The following HYDIN variants were observed in gnomAD, a reference collection of about 807,000 sequenced individuals.
The protein encoded by HYDIN is HYDIN axonemal central pair apparatus protein.
A neutral mutation model predicts 403.9 loss-of-function variants in HYDIN; 132 were observed. The observed-to-expected ratio is 0.33, with a 90% CI of 0.28 to 0.38. The LOEUF is 0.38. Among genes scored for constraint, HYDIN ranks in the 10% least tolerant of loss-of-function variants. The pLI, the probability that HYDIN is intolerant of heterozygous loss-of-function variation, is 1.00. For missense variants in HYDIN, 2,827 were observed against 5,009.5 expected (o/e 0.56, Z 13.15); for synonymous variants, 1,202 against 1,891.7 (o/e 0.64, Z 9.46).
Position 71,133,505 on chromosome 16 carries a change from C to A in HYDIN, c.1043+3646G>T, listed in dbSNP as rs575818133. ...CAAAGCCCAATTAAAACTGATTTAT[C>A]TAAGGAAACATGTCATTTCCTCCAT... is the stretch of plus-strand genomic sequence containing the variant. On this transcript the variant is annotated intron_variant, in intron 8 of 85. Transcript: ENST00000393567. 4.5e-4 allele frequency among the ~76,000 whole-genome samples: 69 copies of A among 152,308 alleles called. No individual in the cohort carries two copies. The East Asian group carries it at 6.0e-3, about 13-fold the overall frequency.
At position 70,837,900 on chromosome 16, in the gene HYDIN, C is replaced by A; in HGVS notation, c.13044-12G>T. 6.2e-7 allele frequency: 1 copy of A among 1,610,122 alleles called. No homozygotes were observed. The highest frequency in any genetic ancestry group is 2.2e-5 in the East Asian group (1 of 44,716). On this transcript the variant is annotated splice_polypyrimidine_tract_variant and intron_variant, in intron 76 of 85. Coordinates refer to ENST00000393567, the MANE Select transcript of HYDIN (RefSeq NM_001270974.2). ...ACAGACAATCTATGCTGCAGAAAAT[C>A]AAGAGGAAGAGGCGTAAGCTCCAAG...
intron 10 of HYDIN, chr16:71,113,931 C>A (rs956839571): frequency 6.6e-6 from 1 of 151,406 alleles, no homozygotes; most frequent in African/African-American, 2.4e-5. Flanking sequence ...ACAGGCTGGT[C>A]ATTTTATTTT....
chr16:70,848,406 A>AT (rs201505826), intron 75 of HYDIN, among the ~76,000 whole-genome samples: 2,960 of 152,000 alleles, frequency 0.019, 48 homozygotes, highest in Middle Eastern at 0.088. Flanking sequence ...CATGGCTCAT[A>AT]TTTTTTTAGT....
intron 24 of HYDIN, 71 bp downstream of exon 24, chr16:70,991,999 T>C (rs1340253826): frequency 3.1e-6 from 5 of 1,604,874 alleles, no homozygotes; most frequent in East Asian, 4.5e-5. Context: ...GAGGGATGAG[T>C]ATTGAGAATG....
intron 23 of HYDIN, among the ~76,000 whole-genome samples, chr16:70,996,192 G>GGCCCTA (rs1432231868): frequency 3.3e-5 from 5 of 152,112 alleles, no homozygotes; most frequent in Admixed American, 6.6e-5. Context: ...GTTTTCTTCT[G>GGCCCTA]GCCCTATCTT....
Position 70,855,284 on chromosome 16 carries a change from G to A in HYDIN, c.12296-9C>T. On this transcript the variant is annotated splice_polypyrimidine_tract_variant and intron_variant, in intron 72 of 85. Transcript: ENST00000393567. The stretch of plus-strand genomic sequence containing the variant: ...CTCCCTGGCTTCTCTGCCTGAGGAG[G>A]AAACACCAGCCCTTAGTGGGGGCCT... The A allele has an allele frequency of 1.3e-6, 2 of 1,551,136 alleles. 1 individual carries two copies. Among genetic ancestry groups the A allele is most frequent in the South Asian group, 2.3e-5 (2 of 88,452 alleles).
chr16:70,928,298 A>G (rs144801598), intron 45 of HYDIN, among the ~76,000 whole-genome samples: 1 of 152,352 alleles, frequency 6.6e-6, no homozygotes, highest in Non-Finnish European at 1.5e-5. Flanking sequence ...CCACATTTCT[A>G]CAAAAAAATT....
intron 19 of HYDIN, among the ~76,000 whole-genome samples, chr16:71,028,695 T>C (rs1427190998): frequency 6.6e-6 from 1 of 152,008 alleles, no homozygotes; most frequent in Non-Finnish European, 1.5e-5. Flanking sequence ...CCTTAGGAAA[T>C]GACATCATGC....
At chr16:70,896,415 C>T (rs188432555) in intron 53 of HYDIN, among the ~76,000 whole-genome samples, 1 of 152,220 alleles carries the variant, frequency 6.6e-6, no homozygotes, top group Admixed American at 6.5e-5. Flanking sequence ...TGCAGTGGCG[C>T]AATCTCGGCT....
At position 70,905,325 on chromosome 16, in the gene HYDIN, A is replaced by T. The variant is rs920227874; in HGVS notation, c.8517-1261T>A. ...GCTTTCCCATTTTGCAGATGAGGAC[A>T]CTGAGGCTCAGCACGGTTTAAAATA... On this transcript the variant is annotated intron_variant, in intron 50 of 85. Coordinates refer to ENST00000393567, the MANE Select transcript of HYDIN (RefSeq NM_001270974.2). 6.4e-4 allele frequency among the ~76,000 whole-genome samples: 97 copies of T among 152,064 alleles called. 1 individual carries two copies. The highest frequency in any genetic ancestry group is 1.9e-4 in the Non-Finnish European group (13 of 67,962).
At chr16:70,945,427 G>C (rs897310360) in intron 41 of HYDIN, among the ~76,000 whole-genome samples, 1 of 152,188 alleles carries the variant, frequency 6.6e-6, no homozygotes, top group African/African-American at 2.4e-5. Flanking sequence ...TAAGCCCTTC[G>C]AGAGAGATTG....
chr16:71,203,154 T>C (rs965059131), intron 1 of HYDIN, among the ~76,000 whole-genome samples: 1 of 152,158 alleles, frequency 6.6e-6, no homozygotes, highest in South Asian at 2.1e-4. Flanking sequence ...GATAGATGCA[T>C]AGATGGATGG....
At chr16:70,932,009 CAAAAAA>C (rs57391181) in intron 45 of HYDIN, among the ~76,000 whole-genome samples, 12 of 29,068 alleles carry the variant, frequency 4.1e-4, no homozygotes, top group African/African-American at 1.6e-3. Context: ...AGACTTGTAT[CAAAAAA>C]AAAAAAAAAA....
intron 5 of HYDIN, among the ~76,000 whole-genome samples, chr16:71,164,052 T>C (rs972819021): frequency 1.4e-5 from 2 of 147,604 alleles, no homozygotes; most frequent in Non-Finnish European, 3.0e-5. Context: ...AGAAATAGCA[T>C]ATTTGCCTGC....
intron 59 of HYDIN, among the ~76,000 whole-genome samples, chr16:70,883,598 AT>A (rs1449427739): frequency 8.6e-5 from 13 of 151,434 alleles, no homozygotes; most frequent in African/African-American, 3.2e-4. Flanking sequence ...TTATTTATGT[AT>A]TTGTTTTTTT....
At chr16:70,917,430 G>C (rs1313713435) in intron 47 of HYDIN, among the ~76,000 whole-genome samples, 38 of 152,002 alleles carry the variant, frequency 2.5e-4, no homozygotes, top group African/African-American at 8.7e-4. Context: ...GTGAAGTTAC[G>C]AGCTCTCTTT....
In HYDIN at chr16:70,900,997, G is replaced by T. The variant is rs767853467; in HGVS notation, c.9048+7C>A. The T allele has an allele frequency of 8.6e-6, 5 of 578,700 alleles. No homozygotes were observed. The highest frequency in any genetic ancestry group is 2.2e-5 in the African/African-American group (1 of 44,596). 35.8% of individuals were successfully genotyped at this position (578,700 alleles called of 1,614,324 possible). On this transcript the variant is annotated splice_region_variant and intron_variant, in intron 53 of 85. Coordinates refer to ENST00000393567, the MANE Select transcript of HYDIN (RefSeq NM_001270974.2). ...ATAACCAAGTCTGTGGATGTGTGAAGCCTCACCTCCAACCGAATAGCCTTC... is the reference window on the plus strand; with the variant it reads ...ATAACCAAGTCTGTGGATGTGTGAATCCTCACCTCCAACCGAATAGCCTTC...
At chr16:71,024,392 A>T (rs914906550) in intron 21 of HYDIN, among the ~76,000 whole-genome samples, 156 of 152,140 alleles carry the variant, frequency 1.0e-3, no homozygotes, top group Non-Finnish European at 1.2e-3. Context: ...AACTTGAGGC[A>T]CTTGCTCAAG....
chr16:71,032,286 T>A (rs2080941081), intron 18 of HYDIN, among the ~76,000 whole-genome samples: 1 of 148,934 alleles, frequency 6.7e-6, no homozygotes, highest in Non-Finnish European at 1.5e-5. Flanking sequence ...TATTTTTTAT[T>A]CTTATTTATT....
Sources: allele counts gnomAD v4.1 joint callset (sites outside exome capture counted in the v4.1 genomes callset), GRCh38; gene constraint gnomAD v4.1.1; transcripts MANE v1.5; gene names NCBI Gene and HGNC (gene_info 2026-07-23, HGNC 2026-07-21).